TRAP1: variants seen among roughly 807,000 people sequenced by gnomAD.
TRAP1 encodes heat shock protein 75 kDa, mitochondrial.
A neutral mutation model predicts 89.1 loss-of-function variants in TRAP1; 102 were observed. The observed-to-expected ratio is 1.15, with a 90% CI of 0.98 to 1.35. The LOEUF is 1.35. TRAP1 is among the 40% of genes most tolerant of loss of function. The pLI is 0.00. For missense variants in TRAP1, 1,256 were observed against 945.3 expected (o/e 1.33, Z -4.31); for synonymous variants, 508 against 388.0 (o/e 1.31, Z -3.64).
chr16:3,668,669 A>G (rs2151248026), intron 11 of TRAP1, among the ~76,000 whole-genome samples: 1 of 152,284 alleles, frequency 6.6e-6, no homozygotes, highest in South Asian at 2.1e-4. Flanking sequence ...GACAACCACA[A>G]GCTGGGATGA....
chr16:3,677,602 C>T lies in TRAP1; in HGVS notation c.600G>A (p.Gln200=), dbSNP rs140837046. The stretch of plus-strand genomic sequence containing the variant: ...AAGCTGAGTAGAAACCCACTCCAAA[C>T]TGGCCGATGATCTTGCTGCTGGCCT... The part of the protein sequence containing the change: ...QAEASSKIIG[Q]FGVGFYSAFM... Residue 200 remains glutamine, a synonymous_variant, in exon 6 of 18, where the codon CAG becomes CAA. Transcript: ENST00000246957. 86 of 1,614,090 alleles carry T rather than the reference C, an allele frequency of 5.3e-5. No individual in the cohort carries two copies. The highest frequency in any genetic ancestry group is 7.1e-5 in the Non-Finnish European group (84 of 1,180,052).
chr16:3,710,843 T>C lies in TRAP1; in HGVS notation c.88+6578A>G, dbSNP rs964277298. ...TTAGCTATCTCAAAATTAATTTCTTTTATATGTGTGTGTGTATATATATAT... is the reference window on the plus strand; with the variant it reads ...TTAGCTATCTCAAAATTAATTTCTTCTATATGTGTGTGTGTATATATATAT... On this transcript the variant is annotated intron_variant, in intron 1 of 17. Coordinates refer to ENST00000246957, the MANE Select transcript of TRAP1 (RefSeq NM_016292.3). Among the ~76,000 whole-genome samples, 4 of 147,142 alleles carry C rather than the reference T, an allele frequency of 2.7e-5. 1 individual carries two copies. The highest frequency in any genetic ancestry group is 5.9e-5 in the Non-Finnish European group (4 of 67,352).
intron 1 of TRAP1, among the ~76,000 whole-genome samples, chr16:3,692,075 T>G (rs888466162): frequency 3.9e-5 from 6 of 152,146 alleles, no homozygotes; most frequent in Admixed American, 6.5e-5. Flanking sequence ...GGTCAGTAGA[T>G]TTGCAATACG....
At chr16:3,694,862 CTT>C (rs2051265185) in intron 1 of TRAP1, among the ~76,000 whole-genome samples, 2 of 152,120 alleles carry the variant, frequency 1.3e-5, no homozygotes, top group South Asian at 4.1e-4. Flanking sequence ...GTAACAGACA[CTT>C]ATTCTCTCAC....
chr16:3,703,561 G>A (rs1271510947), intron 1 of TRAP1, among the ~76,000 whole-genome samples: 2 of 151,996 alleles, frequency 1.3e-5, no homozygotes, highest in Non-Finnish European at 1.5e-5. Context: ...TCTCTGCAAG[G>A]ACACCCAAAA....
chr16:3,707,288 C>T (rs1389104241), intron 1 of TRAP1, among the ~76,000 whole-genome samples: 1 of 150,330 alleles, frequency 6.7e-6, no homozygotes. Context: ...CGGGTTCACA[C>T]CATTCTCCTG....
chr16:3,695,439 G>A (rs1255099865), intron 1 of TRAP1, among the ~76,000 whole-genome samples: 1 of 151,790 alleles, frequency 6.6e-6, no homozygotes, highest in East Asian at 1.9e-4. Context: ...GGGAGGCCGA[G>A]GTGGAAGGAC....
At position 3,674,867 on chromosome 16, in the gene TRAP1, G is replaced by T. The variant is rs1375120892; in HGVS notation, c.889-373C>A. Reference sequence around the variant, plus strand: ...AGCCGCGAGGGGGAAGTCAGTCACTGAGGACAGCATGCCGTGTGACTCCAT... The same window carrying T: ...AGCCGCGAGGGGGAAGTCAGTCACTTAGGACAGCATGCCGTGTGACTCCAT... On this transcript the variant is annotated intron_variant, in intron 8 of 17. Transcript: ENST00000246957. 1.5e-5 allele frequency: 5 copies of T among 344,226 alleles called. No individual in the cohort carries two copies. The East Asian group carries it at 3.1e-4, about 22-fold the overall frequency. 21.3% of individuals were successfully genotyped at this position (344,226 alleles called of 1,614,324 possible). A position where few individuals can be genotyped will look rare whatever the true frequency, so the allele number is the denominator to read the frequency against.
intron 15 of TRAP1, chr16:3,662,578 AT>A: frequency 1.7e-6 from 1 of 605,952 alleles, no homozygotes; most frequent in South Asian, 1.6e-5. Context: ...CTGGGGTAGC[AT>A]GTCCCTTGTT....
At chr16:3,664,480 C>T (rs749557962) in intron 12 of TRAP1, 21 bp from the exon 13 acceptor site, 60 of 1,597,236 alleles carry the variant, frequency 3.8e-5, no homozygotes, top group Non-Finnish European at 4.7e-5. Context: ...CGGGGCAGGT[C>T]ACCACTTATT....
intron 1 of TRAP1, among the ~76,000 whole-genome samples, chr16:3,716,793 C>A (rs940093956): frequency 9.9e-5 from 15 of 152,168 alleles, no homozygotes; most frequent in African/African-American, 3.6e-4. Flanking sequence ...ATTGGCGCAT[C>A]CATCAATTCC....
chr16:3,688,977 A>G (rs2051174862), intron 3 of TRAP1, 78 bp downstream of exon 3: 6 of 1,336,038 alleles, frequency 4.5e-6, no homozygotes, highest in Non-Finnish European at 6.3e-6. Flanking sequence ...TTATCTGGCA[A>G]TTCTCCAGAA....
chr16:3,714,578 G>C (rs766403638), intron 1 of TRAP1, among the ~76,000 whole-genome samples: 64 of 152,298 alleles, frequency 4.2e-4, no homozygotes, highest in Admixed American at 2.0e-3. Flanking sequence ...AGAATCACTC[G>C]AACCCAGGAG....
At chr16:3,662,705 A>T in intron 15 of TRAP1, 177 bp downstream of exon 15, 1 of 705,130 alleles carries the variant, frequency 1.4e-6, no homozygotes, top group Non-Finnish European at 2.6e-6. Context: ...TTCCTGCCTC[A>T]GCGGCACTCC....
At chr16:3,660,466 C>G (rs376674868) in intron 16 of TRAP1, 1 of 150,842 alleles carries the variant, frequency 6.6e-6, no homozygotes, top group East Asian at 1.9e-4. Context: ...GAGCAAGACC[C>G]TGTCTCCAAA....
chr16:3,709,662 G>C (rs758411813), intron 1 of TRAP1, among the ~76,000 whole-genome samples: 3 of 151,982 alleles, frequency 2.0e-5, no homozygotes, highest in Admixed American at 6.6e-5. Context: ...TTTTGTGTGT[G>C]TGTGTGAGAC....
rs1469871671 is a variant in TRAP1, at chr16:3,663,558, A to G, written c.1574T>C (p.Leu525Pro). 4 of 1,613,746 alleles carry G rather than the reference A, an allele frequency of 2.5e-6. No individual in the cohort carries two copies. The highest frequency in any genetic ancestry group is 1.7e-5 in the Admixed American group (1 of 60,012). The part of the protein sequence containing the change: ...EAMKKKDTEV[L>P]FCFEQFDELT... ...CTCATCAAACTGCTCAAAGCAGAAG[A>G]GAACCTGCAGGTGGCCAAGAGCAGC... The change falls in exon 14 of 18, where the codon CTC (leucine) becomes CCC (proline). Residue 525 changes from leucine to proline, a missense_variant. Physicochemically the swap from Leu to Pro is moderately conservative, Grantham distance 98. Transcript: ENST00000246957.
rs887227485 is a variant in TRAP1, at chr16:3,688,919, T to C, written c.330+136A>G. 8.6e-6 allele frequency: 6 copies of C among 696,062 alleles called. No individual in the cohort carries two copies. In the Admixed American group the frequency reaches 1.9e-4, roughly 22 times the overall value. The allele number at this position is 696,062 out of a possible 1,614,324, so 43.1% of individuals were successfully genotyped here. On this transcript the variant is annotated intron_variant, in intron 3 of 17. Transcript: ENST00000246957. ...GGTAAAACTCCTCTCACTGGTAGCT[T>C]AAGATGAGGACCTGTCCAAAGTTTA... is the stretch of plus-strand genomic sequence containing the variant.
intron 1 of TRAP1, among the ~76,000 whole-genome samples, chr16:3,699,503 G>A (rs1039274305): frequency 1.3e-5 from 2 of 151,890 alleles, no homozygotes; most frequent in African/African-American, 4.8e-5. Flanking sequence ...CTGGGTGCCT[G>A]TAATCCCCGC....
Sources: gnomAD v4.1 joint callset for allele counts (sites outside exome capture counted in the v4.1 genomes callset) on GRCh38, gnomAD v4.1.1 for gene constraint, MANE v1.5 for transcripts, NCBI Gene and HGNC (gene_info 2026-07-23, HGNC 2026-07-21) for gene names.